The following IGF2R variants were observed in gnomAD, a reference collection of about 807,000 sequenced individuals.
IGF2R encodes insulin like growth factor 2 receptor.
In IGF2R, 91 loss-of-function variants were observed where a neutral mutation model predicts 270.6. The observed-to-expected ratio is 0.34, with a 90% CI of 0.28 to 0.40. IGF2R has a LOEUF of 0.40. IGF2R is among the 10% of genes least tolerant of loss of function. The pLI is 1.00. For missense variants in IGF2R, 2,805 were observed against 3,188.3 expected (o/e 0.88, Z 2.90); for synonymous variants, 1,316 against 1,258.9 (o/e 1.05, Z -0.96).
At chr6:160,091,516 T>C (rs1240577556) in intron 44 of IGF2R, among the ~76,000 whole-genome samples, 4 of 152,226 alleles carry the variant, frequency 2.6e-5, no homozygotes, top group Non-Finnish European at 5.9e-5. Context: ...CATCTGCTCA[T>C]AGCACCTGTG....
chr6:160,101,975 G>A (rs1469306856), intron 45 of IGF2R, among the ~76,000 whole-genome samples: 2 of 152,194 alleles, frequency 1.3e-5, no homozygotes, highest in African/African-American at 2.4e-5. Flanking sequence ...GTCGGGGGCT[G>A]TGCTGGGCTC....
intron 9 of IGF2R, among the ~76,000 whole-genome samples, chr6:160,033,994 G>A (rs1262958174): frequency 6.6e-6 from 1 of 152,192 alleles, no homozygotes; most frequent in African/African-American, 2.4e-5. Context: ...AATATCTGCC[G>A]AGAAGCTGCA....
rs771898423 is a variant in IGF2R at position 160,085,000 on chromosome 6, A to G, written c.6074A>G (p.Tyr2025Cys). ...CCCTTTGTGTCGTTTTCTAGGTACTATATAAATCTGTGCCAGAAAATATAT... is the reference window on the plus strand; with the variant it reads ...CCCTTTGTGTCGTTTTCTAGGTACTGTATAAATCTGTGCCAGAAAATATAT... Reference protein sequence around the residue: ...WSLVHNGVSYYINLCQKIYKG... With the variant: ...WSLVHNGVSYCINLCQKIYKG... The change falls in exon 41 of 48, where the codon TAT (tyrosine) becomes TGT (cysteine). Residue 2025 changes from tyrosine (Y) to cysteine (C), a missense_variant. By Grantham distance (194) the Tyr-to-Cys change is radical (BLOSUM62 -2). Around this residue, in one of 2 missense-constraint regions of IGF2R, gnomAD observed 1,851 missense variants for 2,207.2 expected, o/e 0.84. Coordinates refer to ENST00000356956, the MANE Select transcript of IGF2R (RefSeq NM_000876.4). This position sits in a 1 kb window ranked among gnomAD's most constrained non-coding sequence, Gnocchi z 4.6. 38 of 1,613,944 alleles carry G rather than the reference A, an allele frequency of 2.4e-5. 1 individual carries two copies. Among genetic ancestry groups the G allele is most frequent in the Non-Finnish European group, 3.0e-5 (35 of 1,179,968 alleles).
chr6:160,035,956 G>A (rs1292317319), intron 10 of IGF2R, among the ~76,000 whole-genome samples: 2 of 152,190 alleles, frequency 1.3e-5, no homozygotes, highest in Non-Finnish European at 2.9e-5. Context: ...TGCCAGTCCC[G>A]TGTTGGGGTG....
At chr6:160,026,414 A>G (rs566431803) in intron 5 of IGF2R, among the ~76,000 whole-genome samples, 102 of 152,338 alleles carry the variant, frequency 6.7e-4, no homozygotes, top group Middle Eastern at 3.4e-3. Flanking sequence ...CATTCGTGGG[A>G]GAAGGGTTGT....
At chr6:160,034,756 C>CT (rs1777776034) in intron 10 of IGF2R, among the ~76,000 whole-genome samples, 1 of 152,132 alleles carries the variant, frequency 6.6e-6, no homozygotes, top group Admixed American at 6.5e-5. Flanking sequence ...TCGGTTTTCT[C>CT]TGTTTGTTTT....
chr6:160,108,365 GC>G lies in IGF2R; in HGVS notation c.*3284del, dbSNP rs2114750805. On this transcript the variant is annotated 3_prime_UTR_variant, in exon 48 of 48. Transcript: ENST00000356956. ...TGTTGGATAGGTAAGGCAGAAGCAA[GC>G]CCAGAACTTGGAGCCTGTTGTGACT... The G allele has an allele frequency of 6.6e-6, 1 of 152,592 alleles. No individual in the cohort carries two copies. The highest frequency in any genetic ancestry group is 2.4e-5 in the African/African-American group (1 of 41,590). 9.5% of individuals were successfully genotyped at this position (152,592 alleles called of 1,614,324 possible).
In IGF2R at chr6:160,009,118, T is replaced by C; in HGVS notation, c.398T>C (p.Leu133Pro). 1 of 1,613,864 alleles carries C rather than the reference T, an allele frequency of 6.2e-7. No individual in the cohort carries two copies. The highest frequency in any genetic ancestry group is 8.5e-7 in the Non-Finnish European group (1 of 1,179,918). ...NHRVQSSIAF[L>P]CGKTLGTPEF... The stretch of plus-strand genomic sequence containing the variant: ...AGAGTCCAGAGCAGCATTGCCTTCC[T>C]GTGTGGGAAAACCCTGGTGAGTCCA... Residue 133 changes from leucine to proline, a missense_variant, in exon 3 of 48, where the codon CTG becomes CCG. Coordinates refer to ENST00000356956, the MANE Select transcript of IGF2R (RefSeq NM_000876.4).
At position 160,071,986 on chromosome 6, in the gene IGF2R, C is replaced by A. The variant is rs1778750637; in HGVS notation, c.4520C>A (p.Pro1507His). The change falls in exon 32 of 48, where the codon CCC (proline) becomes CAC (histidine). Residue 1507 changes from proline (P) to histidine (H), a missense_variant. Pro to His is a moderately conservative substitution (Grantham distance 77, BLOSUM62 -2). Coordinates refer to ENST00000356956, the MANE Select transcript of IGF2R (RefSeq NM_000876.4). Reference protein sequence around the residue: ...TFAWPTATACPMKSNEHDDCQ... With the variant: ...TFAWPTATACHMKSNEHDDCQ... ...GCCTGGCCCACAGCCACAGCCTGTCCCATGAAGAGCAACGAGCATGATGAC... is the reference window on the plus strand; with the variant it reads ...GCCTGGCCCACAGCCACAGCCTGTCACATGAAGAGCAACGAGCATGATGAC... 1.2e-6 allele frequency: 2 copies of A among 1,614,050 alleles called. No individual in the cohort carries two copies. The highest frequency in any genetic ancestry group is 1.7e-6 in the Non-Finnish European group (2 of 1,180,024).
intron 37 of IGF2R, among the ~76,000 whole-genome samples, chr6:160,079,092 G>A (rs1778918344): frequency 6.6e-6 from 1 of 152,210 alleles, no homozygotes. Flanking sequence ...TGGCTCCTGT[G>A]ATGGAGCCCT....
intron 32 of IGF2R, among the ~76,000 whole-genome samples, chr6:160,072,391 G>A (rs577361874): frequency 6.6e-6 from 1 of 152,312 alleles, no homozygotes; most frequent in African/African-American, 2.4e-5. Context: ...CAGTGTAGTG[G>A]ATTGCCAGGA....
rs371523561 is a variant in IGF2R at position 160,032,958 on chromosome 6, A to G, written c.1062A>G (p.Ser354=). Reference sequence around the variant, plus strand: ...TGTTTTTAGGTTCATCCTATATTTCAGATGGAAAAGAATATTTGTTTTATT... The same window carrying G: ...TGTTTTTAGGTTCATCCTATATTTCGGATGGAAAAGAATATTTGTTTTATT... ...LAQSGGSSYI[S]DGKEYLFYLN... The change falls in exon 9 of 48, where the codon TCA becomes TCG. Residue 354 remains serine, a synonymous_variant. Transcript: ENST00000356956. 19 of 1,597,796 alleles carry G rather than the reference A, an allele frequency of 1.2e-5. No individual in the cohort carries two copies. Among genetic ancestry groups the G allele is most frequent in the Non-Finnish European group, 1.4e-5 (16 of 1,165,820 alleles).
rs377184247 is a variant in IGF2R at position 160,029,642 on chromosome 6, C to T, written c.869C>T (p.Ser290Leu). The change falls in exon 7 of 48, where the codon TCG becomes TTG. Residue 290 changes from serine to leucine, a missense_variant. Ser to Leu is a moderately radical substitution (Grantham distance 145). Transcript: ENST00000356956. The part of the protein sequence containing the change: ...PAVTITFVCP[S>L]ERREGTIPKL... ...GTGACTATTACATTTGTTTGCCCGT[C>T]GGAGCGGAGAGAGGTAAGTGACTCG... 123 of 1,612,208 alleles carry T rather than the reference C, an allele frequency of 7.6e-5. No homozygotes were observed. Among genetic ancestry groups the T allele is most frequent in the Non-Finnish European group, 9.2e-5 (109 of 1,178,448 alleles).
intron 2 of IGF2R, among the ~76,000 whole-genome samples, chr6:160,000,055 A>G (rs1784105479): frequency 6.6e-6 from 1 of 152,250 alleles, no homozygotes; most frequent in African/African-American, 2.4e-5. Flanking sequence ...AAAATTGGTA[A>G]GAAAGACAGA....
intron 39 of IGF2R, among the ~76,000 whole-genome samples, chr6:160,082,473 C>G (rs1377563004): frequency 2.6e-5 from 4 of 152,094 alleles, no homozygotes; most frequent in Admixed American, 2.0e-4. Context: ...CCTCACCCAG[C>G]TAATTTTTTT....
At chr6:160,006,150 C>G (rs1784225821) in intron 2 of IGF2R, 1 of 159,872 alleles carries the variant, frequency 6.3e-6, no homozygotes, top group Admixed American at 6.6e-5. Context: ...CGCGCCTCCC[C>G]CCTCGCGCCT....
At chr6:159,977,015 G>A (rs1562329256) in intron 1 of IGF2R, among the ~76,000 whole-genome samples, 1 of 152,208 alleles carries the variant, frequency 6.6e-6, no homozygotes, top group Non-Finnish European at 1.5e-5. Flanking sequence ...GTAGCTGGAT[G>A]TCGTTTGCTG....
chr6:160,073,623 C>T, intron 34 of IGF2R, 134 bp from the exon 35 acceptor site: 1 of 1,072,210 alleles, frequency 9.3e-7, no homozygotes, highest in Non-Finnish European at 1.4e-6. Flanking sequence ...GTGCCCAGTG[C>T]TATGTAATGA....
intron 12 of IGF2R, among the ~76,000 whole-genome samples, chr6:160,043,582 C>A (rs1382555575): frequency 6.6e-6 from 1 of 152,158 alleles, no homozygotes; most frequent in Admixed American, 6.5e-5. Context: ...AATAACATTG[C>A]CAGTGTTTGT....
Sources: allele counts gnomAD v4.1 joint callset (sites outside exome capture counted in the v4.1 genomes callset), GRCh38; gene constraint gnomAD v4.1.1; regional missense constraint gnomAD v4.1.1; non-coding constraint Gnocchi (gnomAD v3.1); transcripts MANE v1.5; gene names NCBI Gene and HGNC (gene_info 2026-07-23, HGNC 2026-07-21).